The following CYP7B1 variants were observed in gnomAD, a reference collection of about 807,000 sequenced individuals.
CYP7B1 encodes cytochrome P450 7B1.
CYP7B1 carries 29 observed loss-of-function variants against 42.7 expected under a neutral mutation model. That is an observed-to-expected ratio of 0.68 (90% CI 0.51 to 0.93). The LOEUF (loss-of-function observed/expected upper bound fraction) is 0.93. Among genes scored for constraint, CYP7B1 ranks in the 40% least tolerant of loss-of-function variants. The probability of loss-of-function intolerance (pLI) is 0.00; values close to 1 mark genes in which losing one functional copy is unlikely to be tolerated. For synonymous variants in CYP7B1, 235 were observed against 218.2 expected (o/e 1.08, Z -0.68); for missense variants, 655 against 600.5 (o/e 1.09, Z -0.95).
chr8:64,647,108 T>C (rs1805965343), intron 1 of CYP7B1, among the ~76,000 whole-genome samples: 1 of 150,944 alleles, frequency 6.6e-6, no homozygotes, highest in Non-Finnish European at 1.5e-5. Flanking sequence ...AACTTCAATG[T>C]TGTTGTGTCT....
At chr8:64,671,934 T>C (rs1806373274) in intron 1 of CYP7B1, among the ~76,000 whole-genome samples, 2 of 152,134 alleles carry the variant, frequency 1.3e-5, no homozygotes, top group Admixed American at 1.3e-4. Flanking sequence ...ATGTAGGAAA[T>C]AAAACAAGAT....
At chr8:64,661,627 G>A (rs1418580969) in intron 1 of CYP7B1, among the ~76,000 whole-genome samples, 4 of 152,118 alleles carry the variant, frequency 2.6e-5, no homozygotes, top group African/African-American at 9.7e-5. Flanking sequence ...GAAAGTAGAG[G>A]GGGACAGATC....
intron 1 of CYP7B1, among the ~76,000 whole-genome samples, chr8:64,772,321 T>A (rs1804248998): frequency 6.6e-6 from 1 of 152,210 alleles, no homozygotes; most frequent in African/African-American, 2.4e-5. Flanking sequence ...TCTGCAAGGG[T>A]GTTTTGGATG....
chr8:64,732,546 C>A (rs6472149), intron 1 of CYP7B1, among the ~76,000 whole-genome samples: 3,764 of 152,194 alleles, frequency 0.025, 151 homozygotes, highest in African/African-American at 0.086. Flanking sequence ...AGACCATGGA[C>A]TTGCACTTTT....
At chr8:64,642,877 A>G (rs1158688879) in intron 1 of CYP7B1, among the ~76,000 whole-genome samples, 2 of 151,908 alleles carry the variant, frequency 1.3e-5, no homozygotes, top group Admixed American at 6.6e-5. Flanking sequence ...GTCCCAGAGC[A>G]TATACATTTC....
intron 1 of CYP7B1, among the ~76,000 whole-genome samples, chr8:64,644,374 G>C (rs1213217524): frequency 6.6e-6 from 1 of 152,014 alleles, no homozygotes; most frequent in East Asian, 1.9e-4. Context: ...ATGGCATCTA[G>C]AGTGGTGAAT....
chr8:64,604,648 A>G (rs1250879442), intron 5 of CYP7B1, 34 bp downstream of exon 5: 1 of 1,612,620 alleles, frequency 6.2e-7, no homozygotes, highest in Non-Finnish European at 8.5e-7. Context: ...ACAGGATCTA[A>G]GAAGTAGCAA....
chr8:64,662,810 T>C (rs1806218602), intron 1 of CYP7B1, among the ~76,000 whole-genome samples: 1 of 152,152 alleles, frequency 6.6e-6, no homozygotes, highest in Admixed American at 6.5e-5. Flanking sequence ...GAAATTTCCA[T>C]AGTCAAAAAG....
chr8:64,777,542 C>T (rs997090401), intron 1 of CYP7B1, among the ~76,000 whole-genome samples: 4 of 152,008 alleles, frequency 2.6e-5, no homozygotes, highest in African/African-American at 9.7e-5. Flanking sequence ...CACGTGCCGA[C>T]TATTTATTAT....
chr8:64,792,863 A>AT lies in CYP7B1; in HGVS notation c.122+5602dup, dbSNP rs546154765. ...GGTCTATTTGGGATGGAGTGAATGCATTTTTTTTAATGTAGGATGGACATG... is the reference window on the plus strand; with the variant it reads ...GGTCTATTTGGGATGGAGTGAATGCATTTTTTTTTAATGTAGGATGGACATG... On this transcript the variant is annotated intron_variant, in intron 1 of 5. Transcript: ENST00000310193. Among the ~76,000 whole-genome samples, 10 of 152,030 alleles carry AT rather than the reference A, an allele frequency of 6.6e-5. 1 individual carries two copies. In the South Asian group the frequency reaches 1.2e-3, roughly 19 times the overall value.
intron 1 of CYP7B1, among the ~76,000 whole-genome samples, chr8:64,717,184 T>G (rs1210210918): frequency 6.6e-6 from 1 of 152,166 alleles, no homozygotes; most frequent in Non-Finnish European, 1.5e-5. Context: ...TTTTTTCCAT[T>G]CTTTTACTCT....
intron 1 of CYP7B1, among the ~76,000 whole-genome samples, chr8:64,760,715 G>A (rs912158635): frequency 6.6e-6 from 1 of 152,020 alleles, no homozygotes; most frequent in African/African-American, 2.4e-5. Context: ...ATTGATGAGG[G>A]TGTGAAGAAG....
Position 64,664,191 on chromosome 8 carries a change from G to A in CYP7B1, c.123-39652C>T, listed in dbSNP as rs555593904. ...TGCATGGGTGTGCACACACACACACGTGTGTGCTGGGGGAGATGGAAGGCA... is the reference window on the plus strand; with the variant it reads ...TGCATGGGTGTGCACACACACACACATGTGTGCTGGGGGAGATGGAAGGCA... On this transcript the variant is annotated intron_variant, in intron 1 of 5. Coordinates refer to ENST00000310193, the MANE Select transcript of CYP7B1 (RefSeq NM_004820.5). 6.6e-5 allele frequency among the ~76,000 whole-genome samples: 10 copies of A among 152,198 alleles called. No homozygotes were observed. In the South Asian group the frequency reaches 1.0e-3, roughly 16 times the overall value.
At chr8:64,688,980 T>C (rs1806698175) in intron 1 of CYP7B1, among the ~76,000 whole-genome samples, 1 of 152,118 alleles carries the variant, frequency 6.6e-6, no homozygotes, top group Non-Finnish European at 1.5e-5. Flanking sequence ...AAAAATAAAT[T>C]CTGAGGCGTC....
chr8:64,654,524 C>G (rs1367151203), intron 1 of CYP7B1, among the ~76,000 whole-genome samples: 2 of 152,008 alleles, frequency 1.3e-5, no homozygotes, highest in Non-Finnish European at 2.9e-5. Context: ...ATCAGAGAAG[C>G]CACAAACAAA....
chr8:64,645,205 G>A lies in CYP7B1; in HGVS notation c.123-20666C>T, dbSNP rs372845857. On this transcript the variant is annotated intron_variant, in intron 1 of 5. Coordinates refer to ENST00000310193, the MANE Select transcript of CYP7B1 (RefSeq NM_004820.5). Reference sequence around the variant, plus strand: ...TTCCAAGTCTTTGCTATTGTGAATAGTGCCACAATAAACATACATATGCAT... The same window carrying A: ...TTCCAAGTCTTTGCTATTGTGAATAATGCCACAATAAACATACATATGCAT... Among the ~76,000 whole-genome samples the A allele has an allele frequency of 2.0e-5, 3 of 150,662 alleles. No homozygotes were observed. In the Admixed American group the frequency reaches 2.0e-4, roughly 10 times the overall value.
chr8:64,688,537 A>G (rs1349009343), intron 1 of CYP7B1, among the ~76,000 whole-genome samples: 1 of 152,232 alleles, frequency 6.6e-6, no homozygotes, highest in Non-Finnish European at 1.5e-5. Context: ...CTTTGCTTTA[A>G]AATGCACACA....
At chr8:64,716,040 T>C (rs972186265) in intron 1 of CYP7B1, among the ~76,000 whole-genome samples, 1 of 152,248 alleles carries the variant, frequency 6.6e-6, no homozygotes, top group Non-Finnish European at 1.5e-5. Context: ...AGTGAAAACA[T>C]AAAACATGCA....
At position 64,798,575 on chromosome 8, in the gene CYP7B1, C is replaced by T; in HGVS notation, c.13G>A (p.Val5Met). The T allele has an allele frequency of 1.4e-6, 2 of 1,475,564 alleles. No homozygotes were observed. Among genetic ancestry groups the T allele is most frequent in the Non-Finnish European group, 1.8e-6 (2 of 1,123,000 alleles). 91.4% of individuals were successfully genotyped at this position (1,475,564 alleles called of 1,614,324 possible). The change falls in exon 1 of 6, where the codon GTG (valine) becomes ATG (methionine). Residue 5 changes from valine to methionine, a missense_variant. By Grantham distance (21) the Val-to-Met change is conservative (BLOSUM62 1). Transcript: ENST00000310193. ...GAAAAGCGGCCCGTGGCCGCGGACA[C>T]TTCTCCTGCCATCCGGCGCGCGCTA... is the stretch of plus-strand genomic sequence containing the variant. MAGEVSAATGRFSLE... is the reference protein window; with the variant it reads MAGEMSAATGRFSLE...
Sources: gnomAD v4.1 joint callset for allele counts (sites outside exome capture counted in the v4.1 genomes callset) on GRCh38, gnomAD v4.1.1 for gene constraint, MANE v1.5 for transcripts, NCBI Gene and HGNC (gene_info 2026-07-23, HGNC 2026-07-21) for gene names.